Variants in GLIS1 observed in about 807,000 individuals in gnomAD.
The protein encoded by GLIS1 is zinc finger protein GLIS1.
Under a neutral mutation model 63.8 loss-of-function variants are expected in GLIS1, and 24 were observed. The observed-to-expected ratio is 0.38, with a 90% CI of 0.27 to 0.53. The LOEUF (loss-of-function observed/expected upper bound fraction) is 0.53, where lower values mean the gene tolerates loss of function less well. Ranked by LOEUF, GLIS1 falls within the 20% of genes least tolerant of loss-of-function variation. The probability of loss-of-function intolerance (pLI) is 0.85; values close to 1 mark genes in which losing one functional copy is unlikely to be tolerated. For missense variants in GLIS1, 1,036 were observed against 1,074.1 expected (o/e 0.96, Z 0.50); for synonymous variants, 450 against 482.5 (o/e 0.93, Z 0.88).
chr1:53,568,696 T>G (rs1644957117), intron 4 of GLIS1, among the ~76,000 whole-genome samples: 1 of 152,144 alleles, frequency 6.6e-6, no homozygotes, highest in Non-Finnish European at 1.5e-5. Flanking sequence ...ATCTAATCAT[T>G]TAAAAGTGTG....
chr1:53,515,038 G>C (rs1029475353), intron 7 of GLIS1, among the ~76,000 whole-genome samples: 2 of 151,932 alleles, frequency 1.3e-5, no homozygotes, highest in Non-Finnish European at 2.9e-5. Context: ...GGACTGGCAA[G>C]GGGCTGTCAG....
At chr1:53,512,639 C>T (rs1043351373) in intron 8 of GLIS1, among the ~76,000 whole-genome samples, 6 of 152,114 alleles carry the variant, frequency 3.9e-5, no homozygotes, top group Admixed American at 1.3e-4. Flanking sequence ...GGCACGAGGA[C>T]GCTTCTCTCC....
intron 4 of GLIS1, among the ~76,000 whole-genome samples, chr1:53,544,176 G>T (rs184129075): frequency 1.3e-5 from 2 of 152,192 alleles, no homozygotes; most frequent in Non-Finnish European, 2.9e-5. Flanking sequence ...AAAAGAAAAG[G>T]ATGCCATTGT....
rs1288557565 is a variant in GLIS1 at position 53,511,448 on chromosome 1, C to T, written c.1884-1421G>A. On this transcript the variant is annotated intron_variant, in intron 8 of 10. Transcript: ENST00000628545. The surrounding 1 kb of genome is among the most constrained non-coding windows in gnomAD (Gnocchi z 4.2). ...TCTCTGCTCCCTCCAACGTTGGCAG[C>T]CCCTCCACTGCCCCTCCAGTCTGCT... Among the ~76,000 whole-genome samples, 1 of 152,182 alleles carries T rather than the reference C, an allele frequency of 6.6e-6. No individual in the cohort carries two copies. The highest frequency in any genetic ancestry group is 1.9e-4 in the East Asian group (1 of 5,196).
chr1:53,723,159 T>C (rs1251398506), intron 2 of GLIS1, among the ~76,000 whole-genome samples: 1 of 151,842 alleles, frequency 6.6e-6, no homozygotes, highest in Admixed American at 6.6e-5. Flanking sequence ...AAAAATATGC[T>C]TCTGAATCTT....
intron 5 of GLIS1, 79 bp downstream of exon 5, chr1:53,529,712 G>T: frequency 6.9e-7 from 1 of 1,447,934 alleles, no homozygotes; most frequent in South Asian, 1.2e-5. Context: ...ACAGGGTAAG[G>T]CAGGGGCTCT....
At chr1:53,576,481 C>T (rs1645033118) in intron 4 of GLIS1, among the ~76,000 whole-genome samples, 1 of 152,188 alleles carries the variant, frequency 6.6e-6, no homozygotes, top group Admixed American at 6.5e-5. Flanking sequence ...TCACTGAGCA[C>T]AGCTGCCTCT....
chr1:53,707,706 A>C (rs1025620096), intron 2 of GLIS1, among the ~76,000 whole-genome samples: 1 of 151,868 alleles, frequency 6.6e-6, no homozygotes, highest in South Asian at 2.1e-4. Flanking sequence ...AAAAGAAATG[A>C]AAGTGAGCAT....
At chr1:53,707,194 G>C (rs979050875) in intron 2 of GLIS1, among the ~76,000 whole-genome samples, 1 of 152,126 alleles carries the variant, frequency 6.6e-6, no homozygotes, top group African/African-American at 2.4e-5. Flanking sequence ...GGGAAGAGGG[G>C]AGAAAGAAGA....
At position 53,737,981 on chromosome 1, in the gene GLIS1, G is replaced by T; in HGVS notation, c.84C>A (p.Ala28=). 2 of 1,230,378 alleles carry T rather than the reference G, an allele frequency of 1.6e-6. No homozygotes were observed. Among genetic ancestry groups the T allele is most frequent in the Non-Finnish European group, 2.0e-6 (2 of 987,054 alleles). The allele number at this position is 1,230,378 out of a possible 1,614,324, so 76.2% of individuals were successfully genotyped here. A position where few individuals can be genotyped will look rare whatever the true frequency, so the allele number is the denominator to read the frequency against. ...PGAPGPDRGP[A]SLGAHMAFRV... is the part of the protein sequence containing the mutation. ...TGAAGGCCATGTGCGCGCCGAGGCT[G>T]GCGGGGCCGCGGTCGGGGCCGGGCG... is the stretch of plus-strand genomic sequence containing the variant. The change falls in exon 2 of 11, where the codon GCC becomes GCA. Residue 28 remains alanine (A), a synonymous_variant. Transcript: ENST00000628545.
intron 2 of GLIS1, among the ~76,000 whole-genome samples, chr1:53,713,556 C>A (rs1646667832): frequency 1.3e-5 from 2 of 152,184 alleles, no homozygotes; most frequent in Admixed American, 1.3e-4. Context: ...CTCTTCAAGA[C>A]CAGCCTGGGC....
intron 2 of GLIS1, among the ~76,000 whole-genome samples, chr1:53,718,515 T>C (rs550983966): frequency 1.3e-5 from 2 of 151,912 alleles, no homozygotes; most frequent in Admixed American, 1.3e-4. Flanking sequence ...AAACAAAAAA[T>C]TGTACTAGAA....
chr1:53,608,724 A>G (rs894438632), intron 2 of GLIS1, among the ~76,000 whole-genome samples: 1 of 152,226 alleles, frequency 6.6e-6, no homozygotes, highest in African/African-American at 2.4e-5. Context: ...ACTGTTTGCT[A>G]TGATTGTTGT....
intron 2 of GLIS1, among the ~76,000 whole-genome samples, chr1:53,659,925 G>A (rs1033790485): frequency 2.6e-5 from 4 of 152,178 alleles, no homozygotes; most frequent in Non-Finnish European, 5.9e-5. Flanking sequence ...AACTGTTTGA[G>A]GCACTGGAAC....
At chr1:53,642,439 G>A (rs6699114) in intron 2 of GLIS1, among the ~76,000 whole-genome samples, 74,519 of 151,986 alleles carry the variant, frequency 0.49, 21,508 homozygotes, top group Non-Finnish European at 0.63. Context: ...CTTCCACCTC[G>A]GGGCCCTGCC....
At chr1:53,524,657 G>T in intron 6 of GLIS1, 120 bp downstream of exon 6, 1 of 710,528 alleles carries the variant, frequency 1.4e-6, no homozygotes, top group Non-Finnish European at 2.5e-6. Flanking sequence ...ACGGATGGAC[G>T]AACAGTGGCA....
At chr1:53,535,546 A>C (rs1644573586) in intron 4 of GLIS1, among the ~76,000 whole-genome samples, 1 of 151,830 alleles carries the variant, frequency 6.6e-6, no homozygotes, top group Non-Finnish European at 1.5e-5. Context: ...CTGACCTCCC[A>C]CCTTCTACCT....
chr1:53,698,612 G>A (rs1381117925), intron 2 of GLIS1, among the ~76,000 whole-genome samples: 1 of 152,220 alleles, frequency 6.6e-6, no homozygotes, highest in East Asian at 1.9e-4. Flanking sequence ...GGCCAAGCCA[G>A]GGACCTCTGT....
chr1:53,729,244 C>T (rs749777047), intron 2 of GLIS1, among the ~76,000 whole-genome samples: 1 of 152,164 alleles, frequency 6.6e-6, no homozygotes, highest in African/African-American at 2.4e-5. Context: ...TCCGCATCCA[C>T]CCGCGGACCC....
Sources: allele counts gnomAD v4.1 joint callset (sites outside exome capture counted in the v4.1 genomes callset), GRCh38; gene constraint gnomAD v4.1.1; non-coding constraint Gnocchi (gnomAD v3.1); transcripts MANE v1.5; gene names NCBI Gene and HGNC (gene_info 2026-07-23, HGNC 2026-07-21).